The following PPP2R1B variants were observed in gnomAD, a reference collection of about 807,000 sequenced individuals.
PPP2R1B encodes protein phosphatase 2 scaffold subunit Abeta, also known as serine/threonine-protein phosphatase 2A 65 kDa regulatory subunit A beta isoform.
Under a neutral mutation model 72.7 loss-of-function variants are expected in PPP2R1B, and 58 were observed. The ratio of observed to expected loss-of-function variants is 0.80; its 90% CI spans 0.65 to 0.99. PPP2R1B has a LOEUF of 0.99. Among genes scored for constraint, PPP2R1B ranks in the 50% least tolerant of loss-of-function variants. The pLI, the probability that PPP2R1B is intolerant of heterozygous loss-of-function variation, is 0.00. For missense variants in PPP2R1B, 695 were observed against 733.6 expected, an observed-to-expected ratio of 0.95 and a Z score of 0.61; for synonymous variants, 256 against 264.6, an observed-to-expected ratio of 0.97 and a Z score of 0.32.
chr11:111,744,293 A>G (rs886325309), intron 11 of PPP2R1B, among the ~76,000 whole-genome samples: 1 of 152,230 alleles, frequency 6.6e-6, no homozygotes, highest in East Asian at 1.9e-4. Flanking sequence ...GAGAAAGACA[A>G]CAAGGAAATG....
rs572641662 is a variant in PPP2R1B, at chr11:111,750,125, C to T, written c.1338+2034G>A. Among the ~76,000 whole-genome samples the T allele has an allele frequency of 3.9e-5, 6 of 152,290 alleles. 1 individual carries two copies. The highest frequency in any genetic ancestry group is 1.2e-4 in the African/African-American group (5 of 41,560). ...ACCTCTGGTATACTTTTCAAAGAAT[C>T]GGACACTTTCAATTTTATAAAACAT... On this transcript the variant is annotated intron_variant, in intron 10 of 14. Coordinates refer to ENST00000527614, the MANE Select transcript of PPP2R1B (RefSeq NM_002716.5).
Position 111,739,097 on chromosome 11 carries a change from C to T in PPP2R1B, c.*2499G>A. On this transcript the variant is annotated 3_prime_UTR_variant, in exon 15 of 15. Coordinates refer to ENST00000527614, the MANE Select transcript of PPP2R1B (RefSeq NM_002716.5). ...CCTGAAAGCAGGAAAATCTTTCTGT[C>T]AGTGGGAGAATAAGACACAGTCTGG... 1 of 985,338 alleles carries T rather than the reference C, an allele frequency of 1.0e-6. No homozygotes were observed. The highest frequency in any genetic ancestry group is 4.7e-5 in the South Asian group (1 of 21,274). 61.0% of individuals were successfully genotyped at this position (985,338 alleles called of 1,614,324 possible).
At chr11:111,715,010 C>A in the PPP2R1B span, among the ~76,000 whole-genome samples, 1 of 152,202 alleles carries the variant, frequency 6.6e-6, no homozygotes, top group Non-Finnish European at 1.5e-5. Context: ...GCACTGACTG[C>A]TGTATTATAT....
At chr11:111,737,838 T>A (rs1944383861), downstream of PPP2R1B, 2 of 1,271,482 alleles carry the variant, frequency 1.6e-6, no homozygotes, top group African/African-American at 3.0e-5. Context: ...TGGTCACTGA[T>A]GGTCTCCAGA....
At chr11:111,744,082 G>C (rs1254003456) in intron 11 of PPP2R1B, among the ~76,000 whole-genome samples, 1 of 152,196 alleles carries the variant, frequency 6.6e-6, no homozygotes, top group African/African-American at 2.4e-5. Context: ...ATGTATCCAG[G>C]ACACAAACAG....
downstream of PPP2R1B, chr11:111,737,554 A>C: frequency 1.2e-6 from 2 of 1,614,214 alleles, no homozygotes; most frequent in Non-Finnish European, 1.7e-6. Context: ...TAGCTTCCTC[A>C]GCCTTTGTGC....
At chr11:111,709,473 A>G in the PPP2R1B span, among the ~76,000 whole-genome samples, 2 of 152,212 alleles carry the variant, frequency 1.3e-5, no homozygotes. Context: ...TTTCATTTTA[A>G]TGGTTCTGGA....
intron 2 of PPP2R1B, 51 bp downstream of exon 2, chr11:111,765,243 C>G: frequency 6.6e-7 from 1 of 1,514,442 alleles, no homozygotes; most frequent in Non-Finnish European, 9.1e-7. Context: ...GTGTTGAAAG[C>G]TACTGGAAAA....
intron 6 of PPP2R1B, 84 bp from the exon 7 acceptor site, chr11:111,755,178 C>T (rs782812015): frequency 1.6e-5 from 25 of 1,530,902 alleles, no homozygotes; most frequent in Non-Finnish European, 2.0e-5. Context: ...TCTGTAAATA[C>T]ATATTTTTGC....
chr11:111,706,594 T>G, the PPP2R1B span, among the ~76,000 whole-genome samples: 1 of 152,160 alleles, frequency 6.6e-6, no homozygotes, highest in Non-Finnish European at 1.5e-5. Flanking sequence ...AGAGTATGTT[T>G]TAAAAAAGGG....
At chr11:111,756,789 G>A (rs1195683832) in intron 5 of PPP2R1B, among the ~76,000 whole-genome samples, 1 of 152,134 alleles carries the variant, frequency 6.6e-6, no homozygotes, top group Non-Finnish European at 1.5e-5. Context: ...TGACACCTAC[G>A]TCCTTTGAAC....
the PPP2R1B span, chr11:111,720,850 A>G: frequency 6.3e-7 from 1 of 1,594,064 alleles, no homozygotes; most frequent in Non-Finnish European, 8.5e-7. Context: ...TGGTCACTGA[A>G]AGGCCTTGTA....
At chr11:111,743,714 C>T (rs1480724391) in intron 11 of PPP2R1B, among the ~76,000 whole-genome samples, 184 bp from the exon 12 acceptor site, 1 of 152,156 alleles carries the variant, frequency 6.6e-6, no homozygotes, top group Non-Finnish European at 1.5e-5. Context: ...TGTGCATATC[C>T]ACAGAAAAGG....
chr11:111,721,197 C>T, the PPP2R1B span: 2 of 1,124,058 alleles, frequency 1.8e-6, no homozygotes, highest in Non-Finnish European at 2.5e-6. Flanking sequence ...CCCACAGCTT[C>T]TTTGCCTTGT....
chr11:111,700,839 T>C, the PPP2R1B span: 3 of 1,606,232 alleles, frequency 1.9e-6, no homozygotes, highest in South Asian at 1.1e-5. Context: ...AAATGCAGTA[T>C]AGTTTGAGAG....
At chr11:111,705,247 T>A in the PPP2R1B span, 1 of 1,207,880 alleles carries the variant, frequency 8.3e-7, no homozygotes, top group Non-Finnish European at 1.1e-6. The surrounding 1 kb of genome is among the most constrained non-coding windows in gnomAD (Gnocchi z 4.3). Flanking sequence ...TACACTCCGT[T>A]TTTCTGTAAA....
chr11:111,742,008 G>C (rs1301177494), intron 14 of PPP2R1B, 45 bp downstream of exon 14: 1 of 1,479,298 alleles, frequency 6.8e-7, no homozygotes, highest in South Asian at 1.1e-5. Flanking sequence ...ATAAATCCCA[G>C]TTAACCAAGG....
the PPP2R1B span, among the ~76,000 whole-genome samples, chr11:111,721,373 A>T: frequency 6.6e-6 from 1 of 152,050 alleles, no homozygotes. Context: ...TGCCACACAC[A>T]CACCCAAATG....
intron 5 of PPP2R1B, among the ~76,000 whole-genome samples, chr11:111,757,820 A>T (rs1486944442): frequency 2.7e-5 from 4 of 146,910 alleles, no homozygotes; most frequent in Admixed American, 6.8e-5. Context: ...GGGCGACAGG[A>T]GTGAAACTCC....
Sources: allele counts gnomAD v4.1 joint callset (sites outside exome capture counted in the v4.1 genomes callset), GRCh38; gene constraint gnomAD v4.1.1; non-coding constraint Gnocchi (gnomAD v3.1); transcripts MANE v1.5; gene names NCBI Gene and HGNC (gene_info 2026-07-23, HGNC 2026-07-21).